The following PPP1R12B variants were observed in gnomAD, a reference collection of about 807,000 sequenced individuals.
PPP1R12B encodes protein phosphatase 1 regulatory subunit 12B.
A neutral mutation model predicts 126.1 loss-of-function variants in PPP1R12B; 76 were observed. The observed-to-expected ratio is 0.60, with a 90% CI of 0.50 to 0.73. PPP1R12B has a LOEUF of 0.73. PPP1R12B is among the 30% of genes least tolerant of loss of function. The pLI, the probability that PPP1R12B is intolerant of heterozygous loss-of-function variation, is 0.00. For missense variants in PPP1R12B, 1,052 were observed against 1,205.1 expected, an observed-to-expected ratio of 0.87 and a Z score of 1.88; for synonymous variants, 356 against 434.7, an observed-to-expected ratio of 0.82 and a Z score of 2.25.
rs1437286620 is a variant in PPP1R12B, at chr1:202,579,064, G to A, written c.2863-1410G>A. ...TAACAACTGTATCATAGTCTCATGA[G>A]GCACTAGGGAGACCCTCTAGCACAG... On this transcript the variant is annotated intron_variant, in intron 23 of 23. Transcript: ENST00000608999. 3.9e-5 allele frequency among the ~76,000 whole-genome samples: 6 copies of A among 152,152 alleles called. No individual in the cohort carries two copies. In the East Asian group the frequency reaches 9.6e-4, roughly 24 times the overall value.
intron 18 of PPP1R12B, among the ~76,000 whole-genome samples, chr1:202,510,961 TA>T (rs1317138751): frequency 1.4e-5 from 2 of 146,416 alleles, no homozygotes; most frequent in African/African-American, 4.9e-5. Flanking sequence ...TTATATGTAT[TA>T]ATTTATAATA....
At chr1:202,393,995 G>A (rs1433460094) in intron 1 of PPP1R12B, among the ~76,000 whole-genome samples, 1 of 152,212 alleles carries the variant, frequency 6.6e-6, no homozygotes, top group African/African-American at 2.4e-5. Context: ...TAAGTAGAAA[G>A]AAAAACTCAC....
At chr1:202,477,809 C>A (rs1344647325) in intron 13 of PPP1R12B, among the ~76,000 whole-genome samples, 1 of 152,136 alleles carries the variant, frequency 6.6e-6, no homozygotes, top group Admixed American at 6.5e-5. Flanking sequence ...TATTTGAATG[C>A]CACTGATGGT....
chr1:202,380,472 A>G (rs555415293), intron 1 of PPP1R12B, among the ~76,000 whole-genome samples: 39 of 152,254 alleles, frequency 2.6e-4, no homozygotes, highest in African/African-American at 9.4e-4. Flanking sequence ...GTTTGAAACA[A>G]TTTCTGTGAA....
At chr1:202,537,826 C>T (rs1684706730) in intron 18 of PPP1R12B, among the ~76,000 whole-genome samples, 1 of 152,158 alleles carries the variant, frequency 6.6e-6, no homozygotes, top group Non-Finnish European at 1.5e-5. Context: ...AGTCATGCTA[C>T]CAAGCATGGG....
At chr1:202,397,049 A>G (rs1390811571) in intron 1 of PPP1R12B, among the ~76,000 whole-genome samples, 1 of 152,170 alleles carries the variant, frequency 6.6e-6, no homozygotes, top group African/African-American at 2.4e-5. Context: ...TCATTTTACA[A>G]TAACAACATT....
At chr1:202,558,510 G>A (rs1687189748) in intron 18 of PPP1R12B, 1 of 181,708 alleles carries the variant, frequency 5.5e-6, no homozygotes, top group South Asian at 1.7e-4. Context: ...GAGGCCAAAT[G>A]TCACATAGAA....
chr1:202,448,993 CCT>C lies in PPP1R12B; in HGVS notation c.1674_1675del (p.His559GlnfsTer18). ...TYVSTYLKRT[P>X]HKSQADTTAE... The stretch of plus-strand genomic sequence containing the variant: ...TTGTATCTTTTTAAATTTCAGGACT[CCT>C]CACAAATCCCAGGCCGACACAACAG... On this transcript the variant is annotated frameshift_variant, in exon 13 of 24. Coordinates refer to ENST00000608999, the MANE Select transcript of PPP1R12B (RefSeq NM_002481.4). LOFTEE classifies it high-confidence loss of function. 6.2e-7 allele frequency: 1 copy of C among 1,613,758 alleles called. No individual in the cohort carries two copies. Among genetic ancestry groups the C allele is most frequent in the Non-Finnish European group, 8.5e-7 (1 of 1,179,780 alleles).
intron 1 of PPP1R12B, among the ~76,000 whole-genome samples, chr1:202,388,638 A>G (rs1274145476): frequency 1.6e-4 from 24 of 152,208 alleles, no homozygotes; most frequent in Non-Finnish European, 1.6e-4. Context: ...TAGTACTACA[A>G]TAGTAACTAC....
chr1:202,466,876 T>A (rs532669994), intron 13 of PPP1R12B, among the ~76,000 whole-genome samples: 6 of 152,292 alleles, frequency 3.9e-5, no homozygotes, highest in African/African-American at 1.2e-4. Context: ...CTTTTTTTTT[T>A]AGAAATCTCT....
intron 18 of PPP1R12B, among the ~76,000 whole-genome samples, chr1:202,541,092 C>A (rs893072551): frequency 2.0e-5 from 3 of 152,044 alleles, no homozygotes; most frequent in African/African-American, 7.2e-5. Context: ...AGGTAGCAGG[C>A]AATATAACAG....
At chr1:202,375,341 C>G (rs1661006747) in intron 1 of PPP1R12B, among the ~76,000 whole-genome samples, 1 of 152,370 alleles carries the variant, frequency 6.6e-6, no homozygotes, top group East Asian at 1.9e-4. Flanking sequence ...TCTCTAGTCT[C>G]ACTTCTTGTT....
intron 18 of PPP1R12B, chr1:202,540,239 C>T (rs751326235): frequency 5.0e-6 from 8 of 1,589,608 alleles, no homozygotes; most frequent in Non-Finnish European, 6.0e-6. Context: ...CAAGACGCTC[C>T]GAGTAAGCAG....
intron 18 of PPP1R12B, among the ~76,000 whole-genome samples, chr1:202,529,187 G>C (rs1463231608): frequency 6.6e-6 from 1 of 151,542 alleles, no homozygotes; most frequent in Non-Finnish European, 1.5e-5. Context: ...ACTAATAAAT[G>C]AATAAACATT....
intron 1 of PPP1R12B, among the ~76,000 whole-genome samples, chr1:202,401,169 T>G (rs1342069716): frequency 6.6e-6 from 1 of 151,924 alleles, no homozygotes; most frequent in Non-Finnish European, 1.5e-5. Context: ...AAGTGTAAAG[T>G]ACTTCTTTCT....
chr1:202,372,305 A>C (rs1571653607), intron 1 of PPP1R12B, among the ~76,000 whole-genome samples: 2 of 151,918 alleles, frequency 1.3e-5, no homozygotes, highest in Admixed American at 1.3e-4. Context: ...GGAGTTCAAG[A>C]CCAGCCTGGG....
At chr1:202,489,782 G>A (rs1678627027) in intron 14 of PPP1R12B, among the ~76,000 whole-genome samples, 1 of 152,162 alleles carries the variant, frequency 6.6e-6, no homozygotes, top group Non-Finnish European at 1.5e-5. Context: ...TTATAACTCT[G>A]TGAATAAACT....
chr1:202,428,255 A>G (rs1355460918), intron 5 of PPP1R12B, among the ~76,000 whole-genome samples: 2 of 152,206 alleles, frequency 1.3e-5, no homozygotes, highest in East Asian at 3.9e-4. Context: ...GGTGTGAGCC[A>G]CTGTGCCCAG....
At chr1:202,457,430 G>A (rs1558253100) in intron 13 of PPP1R12B, among the ~76,000 whole-genome samples, 1 of 152,038 alleles carries the variant, frequency 6.6e-6, no homozygotes, top group African/African-American at 2.4e-5. Flanking sequence ...GCACGTGCCT[G>A]TAATCCCAGC....
Sources: allele counts gnomAD v4.1 joint callset (sites outside exome capture counted in the v4.1 genomes callset), GRCh38; gene constraint gnomAD v4.1.1; transcripts MANE v1.5; gene names NCBI Gene and HGNC (gene_info 2026-07-23, HGNC 2026-07-21).